ALKBH3: variants seen among roughly 807,000 people sequenced by gnomAD.
ALKBH3 encodes the protein alpha-ketoglutarate-dependent dioxygenase alkB homolog 3.
In ALKBH3, 51 loss-of-function variants were observed where a neutral mutation model predicts 43.9. That is an observed-to-expected ratio of 1.16 (90% CI 0.93 to 1.47). ALKBH3 has a LOEUF of 1.47. Ranked by LOEUF, ALKBH3 falls within the 40% of genes most tolerant of loss-of-function variation. The pLI, the probability that ALKBH3 is intolerant of heterozygous loss-of-function variation, is 0.00. For synonymous variants in ALKBH3, 102 were observed against 115.2 expected, an observed-to-expected ratio of 0.89 and a Z score of 0.73; for missense variants, 361 against 351.9, an observed-to-expected ratio of 1.03 and a Z score of -0.21.
chr11:43,887,750 T>G (rs1951755965), intron 5 of ALKBH3, among the ~76,000 whole-genome samples: 1 of 152,090 alleles, frequency 6.6e-6, no homozygotes, highest in African/African-American at 2.4e-5. Flanking sequence ...TGTATAATGT[T>G]ACAAATTGCT....
rs904861734 is a variant in ALKBH3 at position 43,886,303 on chromosome 11, G to T, written c.219-303G>T. 3.3e-5 allele frequency among the ~76,000 whole-genome samples: 5 copies of T among 152,098 alleles called. No individual in the cohort carries two copies. In the East Asian group the frequency reaches 9.6e-4, roughly 29 times the overall value. ...GGAGTGCTCTATTTGAAACCTCTTTGTGCAATAGATTCCTGGACCATATCT... is the reference window on the plus strand; with the variant it reads ...GGAGTGCTCTATTTGAAACCTCTTTTTGCAATAGATTCCTGGACCATATCT... On this transcript the variant is annotated intron_variant, in intron 4 of 9. Coordinates refer to ENST00000302708, the MANE Select transcript of ALKBH3 (RefSeq NM_139178.4).
intron 8 of ALKBH3, among the ~76,000 whole-genome samples, chr11:43,908,515 C>A (rs539227815): frequency 6.6e-6 from 1 of 152,264 alleles, no homozygotes; most frequent in African/African-American, 2.4e-5. Context: ...GGTGCTAGCA[C>A]CTGAGATAGA....
intron 7 of ALKBH3, among the ~76,000 whole-genome samples, chr11:43,900,313 T>A (rs1179459240): frequency 7.6e-6 from 1 of 131,602 alleles, no homozygotes; most frequent in East Asian, 2.7e-4. Flanking sequence ...AGCCTCCGCC[T>A]CCCGGGTTCA....
At position 43,889,223 on chromosome 11, in the gene ALKBH3, C is replaced by T. The variant is rs35005105; in HGVS notation, c.267-502C>T. On this transcript the variant is annotated intron_variant, in intron 5 of 9. Transcript: ENST00000302708. The stretch of plus-strand genomic sequence containing the variant: ...TGTATTTTTGGTAGACGGGGTTTCA[C>T]CATGTTGGTCAGGCTGGTCTCGAAC... Among the ~76,000 whole-genome samples, 4 of 152,306 alleles carry T rather than the reference C, an allele frequency of 2.6e-5. No homozygotes were observed. In the East Asian group the frequency reaches 5.8e-4, roughly 22 times the overall value.
intron 1 of ALKBH3, among the ~76,000 whole-genome samples, chr11:43,882,294 C>G (rs1951717240): frequency 6.6e-6 from 1 of 152,138 alleles, no homozygotes; most frequent in Admixed American, 6.5e-5. Context: ...CTCTTGGGGA[C>G]TATTAAGAGG....
intron 7 of ALKBH3, chr11:43,898,737 G>A: frequency 4.2e-6 from 3 of 720,468 alleles, no homozygotes; most frequent in South Asian, 3.1e-5. Context: ...TCATCCTGCG[G>A]TCACCCAGGG....
chr11:43,901,521 C>A lies in ALKBH3; in HGVS notation c.465C>A (p.His155Gln). 6.2e-7 allele frequency: 1 copy of A among 1,613,396 alleles called. No homozygotes were observed. The highest frequency in any genetic ancestry group is 1.1e-5 in the South Asian group (1 of 91,044). Residue 155 changes from histidine to glutamine, a missense_variant, in exon 8 of 10, where the codon CAC (histidine) becomes CAA (glutamine). By Grantham distance (24) the His-to-Gln change is conservative. Transcript: ENST00000302708. ...TCTTGGTCTGTGGATTGCAGTGGCACCCTGTGCTGCGCACACTAAAGAACC... is the reference window on the plus strand; with the variant it reads ...TCTTGGTCTGTGGATTGCAGTGGCAACCTGTGCTGCGCACACTAAAGAACC... ...RITMEPNPHWHPVLRTLKNRI... is the reference protein window; with the variant it reads ...RITMEPNPHWQPVLRTLKNRI...
intron 5 of ALKBH3, among the ~76,000 whole-genome samples, chr11:43,888,426 G>A (rs1305215063): frequency 6.6e-6 from 1 of 152,194 alleles, no homozygotes; most frequent in African/African-American, 2.4e-5. Context: ...AGTAGTTAAA[G>A]CATATACTAT....
chr11:43,890,040 G>A (rs951179770), intron 6 of ALKBH3, among the ~76,000 whole-genome samples: 7 of 152,178 alleles, frequency 4.6e-5, no homozygotes, highest in African/African-American at 1.4e-4. Context: ...GAGAGAACAT[G>A]GCAGGAGGAT....
At chr11:43,894,001 C>T (rs1316065373) in intron 7 of ALKBH3, among the ~76,000 whole-genome samples, 2 of 152,104 alleles carry the variant, frequency 1.3e-5, no homozygotes, top group Admixed American at 6.6e-5. Context: ...ATCGGCCACA[C>T]CCCGACCTCT....
At chr11:43,901,410 G>T in intron 7 of ALKBH3, 106 bp from the exon 8 acceptor site, 1 of 1,283,652 alleles carries the variant, frequency 7.8e-7, no homozygotes, top group Non-Finnish European at 1.1e-6. Flanking sequence ...TACATGCCCT[G>T]GTTATAACTT....
At chr11:43,901,408 C>G in intron 7 of ALKBH3, 108 bp from the exon 8 acceptor site, 2 of 1,256,750 alleles carry the variant, frequency 1.6e-6, no homozygotes, top group South Asian at 2.7e-5. Flanking sequence ...ATTACATGCC[C>G]TGGTTATAAC....
rs1336517216 is a variant in ALKBH3, at chr11:43,900,755, G to C, written c.460-761G>C. Among the ~76,000 whole-genome samples, 3 of 152,228 alleles carry C rather than the reference G, an allele frequency of 2.0e-5. No homozygotes were observed. The East Asian group carries it at 5.8e-4, about 29-fold the overall frequency. On this transcript the variant is annotated intron_variant, in intron 7 of 9. Transcript: ENST00000302708. Reference sequence around the variant, plus strand: ...ACCAATATAAGCTATGTTGTTTGTAGCTCCCAAGTACAATCTAAGGTCAGG... The same window carrying C: ...ACCAATATAAGCTATGTTGTTTGTACCTCCCAAGTACAATCTAAGGTCAGG...
At chr11:43,891,699 C>A (rs920952553) in intron 6 of ALKBH3, among the ~76,000 whole-genome samples, 4 of 152,236 alleles carry the variant, frequency 2.6e-5, no homozygotes, top group African/African-American at 9.6e-5. Context: ...GGGGTTCAGT[C>A]TCCATATTCT....
intron 3 of ALKBH3, 84 bp from the exon 4 acceptor site, chr11:43,883,899 G>A: frequency 6.6e-7 from 1 of 1,525,202 alleles, no homozygotes; most frequent in Non-Finnish European, 9.0e-7. Flanking sequence ...ACTTTATTTT[G>A]ACCAGAAATG....
At chr11:43,917,410 T>G (rs1336961654) in intron 8 of ALKBH3, among the ~76,000 whole-genome samples, 2 of 152,232 alleles carry the variant, frequency 1.3e-5, no homozygotes, top group African/African-American at 2.4e-5. Context: ...CTTTCCTTTC[T>G]ACTTTATTTT....
intron 8 of ALKBH3, among the ~76,000 whole-genome samples, chr11:43,907,490 T>C (rs191381041): frequency 6.6e-6 from 1 of 152,352 alleles, no homozygotes. Context: ...CATTGTTGTT[T>C]CTGTGTGTAC....
intron 7 of ALKBH3, 79 bp downstream of exon 7, chr11:43,892,208 A>G: frequency 8.1e-7 from 1 of 1,241,648 alleles, no homozygotes; most frequent in Non-Finnish European, 1.1e-6. Context: ...ACAACAAATT[A>G]CCTTGCAGAG....
rs559212582 is a variant in ALKBH3 at position 43,885,377 on chromosome 11, G to A, written c.219-1229G>A. 9.2e-5 allele frequency among the ~76,000 whole-genome samples: 14 copies of A among 152,246 alleles called. No homozygotes were observed. The South Asian group carries it at 2.7e-3, about 29-fold the overall frequency. ...GTATACTCAGGGAAACATTATAGAC[G>A]ATGCATGTAGTAAATATGTGTGACA... On this transcript the variant is annotated intron_variant, in intron 4 of 9. Transcript: ENST00000302708.
Sources: gnomAD v4.1 joint callset for allele counts (sites outside exome capture counted in the v4.1 genomes callset) on GRCh38, gnomAD v4.1.1 for gene constraint, MANE v1.5 for transcripts, NCBI Gene and HGNC (gene_info 2026-07-23, HGNC 2026-07-21) for gene names.